MTSS1: variants seen among roughly 807,000 people sequenced by gnomAD.
MTSS1 encodes the protein MTSS I-BAR domain containing 1, also known as protein MTSS 1.
A neutral mutation model predicts 79.0 loss-of-function variants in MTSS1; 18 were observed. The ratio of observed to expected loss-of-function variants is 0.23; its 90% CI spans 0.16 to 0.34. MTSS1 has a LOEUF of 0.34. Among genes scored for constraint, MTSS1 ranks in the 10% least tolerant of loss-of-function variants. MTSS1 has a pLI of 1.00. For missense variants in MTSS1, 815 were observed against 986.2 expected, an observed-to-expected ratio of 0.83 and a Z score of 2.33; for synonymous variants, 341 against 368.6, an observed-to-expected ratio of 0.93 and a Z score of 0.86.
intron 1 of MTSS1, among the ~76,000 whole-genome samples, chr8:124,715,392 C>CT (rs1018693606): frequency 5.3e-5 from 8 of 151,672 alleles, no homozygotes; most frequent in Non-Finnish European, 1.2e-4. Context: ...CTTTTCCTTA[C>CT]TTTTTTTAAT....
At chr8:124,622,658 G>C (rs1813811412) in intron 3 of MTSS1, among the ~76,000 whole-genome samples, 1 of 151,894 alleles carries the variant, frequency 6.6e-6, no homozygotes, top group South Asian at 2.1e-4. Context: ...AGCTGGTCTT[G>C]GTGGCATACT....
intron 3 of MTSS1, among the ~76,000 whole-genome samples, chr8:124,607,586 C>T (rs1412486479): frequency 3.9e-5 from 6 of 152,162 alleles, no homozygotes; most frequent in African/African-American, 9.7e-5. Context: ...AAAGCAGCAC[C>T]GTGACACGAC....
rs1822627842 is a variant in MTSS1, at chr8:124,552,229, A to C, written c.*763T>G. ...GTGCAGTCCAGAGGAATCATGGGAG[A>C]AAGGAAGTCAAGTCCTTAAACACCC... On this transcript the variant is annotated 3_prime_UTR_variant, in exon 14 of 14. Transcript: ENST00000518547. 1 of 152,796 alleles carries C rather than the reference A, an allele frequency of 6.5e-6. No individual in the cohort carries two copies. The highest frequency in any genetic ancestry group is 2.1e-4 in the South Asian group (1 of 4,824). 9.5% of individuals were successfully genotyped at this position (152,796 alleles called of 1,614,324 possible).
intron 3 of MTSS1, among the ~76,000 whole-genome samples, chr8:124,660,359 G>A (rs1463780229): frequency 6.6e-6 from 1 of 151,876 alleles, no homozygotes. Flanking sequence ...GGGAGGGTGG[G>A]GGCAAGGAAC....
At chr8:124,648,709 G>C (rs964083265) in intron 3 of MTSS1, among the ~76,000 whole-genome samples, 1 of 147,774 alleles carries the variant, frequency 6.8e-6, no homozygotes, top group African/African-American at 2.6e-5. Context: ...CCAAATAGCA[G>C]CCCCCCCCCA....
At chr8:124,639,936 C>T (rs1412786447) in intron 3 of MTSS1, among the ~76,000 whole-genome samples, 1 of 152,144 alleles carries the variant, frequency 6.6e-6, no homozygotes, top group African/African-American at 2.4e-5. Flanking sequence ...ATTTGGCTGA[C>T]ATTATAAGTA....
chr8:124,605,408 A>G (rs995111378), intron 3 of MTSS1, among the ~76,000 whole-genome samples: 2 of 152,204 alleles, frequency 1.3e-5, no homozygotes, highest in African/African-American at 4.8e-5. Context: ...GTTGTCAGGT[A>G]ATTCAGAAGG....
rs1287974909 is a variant in MTSS1, at chr8:124,582,534, T to A, written c.460+2553A>T. On this transcript the variant is annotated intron_variant, in intron 6 of 13. Transcript: ENST00000518547. The surrounding 1 kb of genome is among the most constrained non-coding windows in gnomAD (Gnocchi z 4.8). Reference sequence around the variant, plus strand: ...AAGATCAGAGTTTTTGAAAAAGGCATGGCAGGAAGCTGCTTGAGAATCTCC... The same window carrying A: ...AAGATCAGAGTTTTTGAAAAAGGCAAGGCAGGAAGCTGCTTGAGAATCTCC... 6.6e-6 allele frequency among the ~76,000 whole-genome samples: 1 copy of A among 151,968 alleles called. No individual in the cohort carries two copies. The highest frequency in any genetic ancestry group is 1.5e-5 in the Non-Finnish European group (1 of 68,002).
chr8:124,554,018 T>C (rs903026622), intron 13 of MTSS1, among the ~76,000 whole-genome samples: 1 of 152,176 alleles, frequency 6.6e-6, no homozygotes, highest in Non-Finnish European at 1.5e-5. Flanking sequence ...ATAAGGGGGA[T>C]GAAAGAAGAC....
intron 3 of MTSS1, among the ~76,000 whole-genome samples, chr8:124,659,396 G>A (rs1049956789): frequency 1.3e-5 from 2 of 152,146 alleles, no homozygotes; most frequent in Non-Finnish European, 2.9e-5. Flanking sequence ...GGAATCATGT[G>A]TATATAGGGT....
chr8:124,665,348 T>C (rs1392066589), intron 3 of MTSS1, among the ~76,000 whole-genome samples: 5 of 152,232 alleles, frequency 3.3e-5, no homozygotes, highest in Admixed American at 3.3e-4. Context: ...CTCTCCTTTT[T>C]CCATCTCCGC....
chr8:124,617,022 GGTAA>G (rs1321972320), intron 3 of MTSS1, among the ~76,000 whole-genome samples: 1 of 86,508 alleles, frequency 1.2e-5, no homozygotes, highest in Admixed American at 1.0e-4. Flanking sequence ...TTACATAAGT[GGTAA>G]ACCAACAGAT....
intron 3 of MTSS1, among the ~76,000 whole-genome samples, chr8:124,638,612 A>G (rs1817464279): frequency 6.6e-6 from 1 of 152,204 alleles, no homozygotes; most frequent in African/African-American, 2.4e-5. Context: ...ACATTCTTGG[A>G]GCTACTCAGT....
At chr8:124,656,778 T>A (rs1190530910) in intron 3 of MTSS1, among the ~76,000 whole-genome samples, 5 of 98,356 alleles carry the variant, frequency 5.1e-5, no homozygotes, top group African/African-American at 4.6e-5. Flanking sequence ...TGAGACTCCA[T>A]CTCAAAAAAA....
At chr8:124,679,759 T>C (rs1443462521) in intron 3 of MTSS1, among the ~76,000 whole-genome samples, 1 of 152,216 alleles carries the variant, frequency 6.6e-6, no homozygotes, top group Non-Finnish European at 1.5e-5. Flanking sequence ...ACAAGACTTA[T>C]AGTATATGGG....
intron 3 of MTSS1, among the ~76,000 whole-genome samples, chr8:124,622,500 A>G (rs1379964971): frequency 6.6e-6 from 1 of 151,630 alleles, no homozygotes; most frequent in Non-Finnish European, 1.5e-5. Context: ...AAAAAAAAAA[A>G]AAAAAGGTAA....
At chr8:124,606,560 C>T (rs185365501) in intron 3 of MTSS1, among the ~76,000 whole-genome samples, 2 of 152,230 alleles carry the variant, frequency 1.3e-5, no homozygotes, top group Non-Finnish European at 2.9e-5. Flanking sequence ...AGGGCTGAGT[C>T]GATAGCTAGA....
At chr8:124,630,432 G>A (rs1279375029) in intron 3 of MTSS1, among the ~76,000 whole-genome samples, 2 of 152,232 alleles carry the variant, frequency 1.3e-5, no homozygotes, top group Non-Finnish European at 2.9e-5. Flanking sequence ...AGGCTGGGAG[G>A]AAGAAGAGGA....
intron 12 of MTSS1, 131 bp from the exon 13 acceptor site, chr8:124,556,035 AC>A: frequency 1.3e-6 from 2 of 1,541,254 alleles, no homozygotes; most frequent in Non-Finnish European, 1.7e-6. Context: ...TCCCACTCTG[AC>A]CCTAGAAAGT....
Sources: gnomAD v4.1 joint callset for allele counts (sites outside exome capture counted in the v4.1 genomes callset) on GRCh38, gnomAD v4.1.1 for gene constraint, Gnocchi (gnomAD v3.1) non-coding constraint, MANE v1.5 for transcripts, NCBI Gene and HGNC (gene_info 2026-07-23, HGNC 2026-07-21) for gene names.